ACVR2A: variants seen among roughly 807,000 people sequenced by gnomAD.
The protein encoded by ACVR2A is activin receptor type-2A.
In ACVR2A, 7 loss-of-function variants were observed where a neutral mutation model predicts 61.4. That is an observed-to-expected ratio of 0.11 (90% CI 0.06 to 0.21). ACVR2A has a LOEUF of 0.21. Among genes scored for constraint, ACVR2A ranks in the 10% least tolerant of loss-of-function variants. ACVR2A has a pLI of 1.00. For missense variants in ACVR2A, 322 were observed against 621.7 expected (o/e 0.52, Z 5.13); for synonymous variants, 193 against 208.3 (o/e 0.93, Z 0.63).
At chr2:147,878,833 C>T (rs1686222959) in intron 1 of ACVR2A, among the ~76,000 whole-genome samples, 2 of 151,994 alleles carry the variant, frequency 1.3e-5, no homozygotes, top group African/African-American at 2.4e-5. Flanking sequence ...CAATTGAGCC[C>T]AGCAGGTTAA....
chr2:147,903,023 T>C (rs906749228), intron 4 of ACVR2A: 4 of 151,972 alleles, frequency 2.6e-5, no homozygotes, highest in Non-Finnish European at 2.9e-5. Flanking sequence ...GACATTGTTC[T>C]CATTATTAGT....
intron 7 of ACVR2A, among the ~76,000 whole-genome samples, chr2:147,919,375 C>A (rs1240601973): frequency 6.6e-6 from 1 of 152,130 alleles, no homozygotes; most frequent in African/African-American, 2.4e-5. Context: ...TTGGCCTCGT[C>A]TTCGATTTTC....
At chr2:147,905,361 T>G (rs1187362952) in intron 4 of ACVR2A, among the ~76,000 whole-genome samples, 1 of 152,180 alleles carries the variant, frequency 6.6e-6, no homozygotes, top group Non-Finnish European at 1.5e-5. Context: ...TGTATGCTTA[T>G]GAAATAGCAA....
intron 1 of ACVR2A, among the ~76,000 whole-genome samples, chr2:147,870,823 TCTTC>T (rs1685994199): frequency 6.6e-6 from 1 of 152,108 alleles, no homozygotes; most frequent in South Asian, 2.1e-4. Flanking sequence ...CTGAGTACCC[TCTTC>T]CTTCTTTATA....
chr2:147,924,873 T>C (rs1306246404), intron 9 of ACVR2A, among the ~76,000 whole-genome samples: 1 of 151,904 alleles, frequency 6.6e-6, no homozygotes, highest in African/African-American at 2.4e-5. Context: ...TGCTGGCCTG[T>C]ACACCACATA....
rs570136857 is a variant in ACVR2A at position 147,891,248 on chromosome 2, TG to T, written c.56-5052del. ...TGCTCTAGGCAGTGTTCAATTTTTT[TG>T]TCAGTTTTGTTTAGTTTTTGGGGTG... On this transcript the variant is annotated intron_variant, in intron 1 of 10. Transcript: ENST00000241416. Among the ~76,000 whole-genome samples, 220 of 152,324 alleles carry T rather than the reference TG, an allele frequency of 1.4e-3. 3 individuals carry two copies. Among genetic ancestry groups the T allele is most frequent in the East Asian group, 7.6e-3 (39 of 5,164 alleles).
intron 1 of ACVR2A, among the ~76,000 whole-genome samples, chr2:147,878,561 A>T (rs768689872): frequency 6.6e-6 from 1 of 152,050 alleles, no homozygotes; most frequent in Non-Finnish European, 1.5e-5. Flanking sequence ...TGAGGGGAAG[A>T]CTGCCCTTGT....
At chr2:147,892,715 C>T (rs555844494) in intron 1 of ACVR2A, among the ~76,000 whole-genome samples, 7 of 151,428 alleles carry the variant, frequency 4.6e-5, no homozygotes, top group African/African-American at 7.3e-5. Flanking sequence ...TCTGTTTCTC[C>T]GTTCAGTTTT....
chr2:147,847,420 GACATGTTGGA>G (rs1000296371), intron 1 of ACVR2A, among the ~76,000 whole-genome samples: 1 of 152,120 alleles, frequency 6.6e-6, no homozygotes, highest in African/African-American at 2.4e-5. Context: ...TGTGTGATCT[GACATGTTGGA>G]AGCATGAGGT....
intron 4 of ACVR2A, among the ~76,000 whole-genome samples, chr2:147,906,736 C>G (rs1686995217): frequency 6.6e-6 from 1 of 151,442 alleles, no homozygotes; most frequent in Non-Finnish European, 1.5e-5. Context: ...AGTATTATAT[C>G]AGGCACTATA....
intron 9 of ACVR2A, among the ~76,000 whole-genome samples, chr2:147,924,745 T>G (rs544598874): frequency 1.3e-4 from 20 of 151,936 alleles, no homozygotes; most frequent in Non-Finnish European, 2.8e-4. Context: ...CAAACTTTAA[T>G]GTGTCATACC....
intron 1 of ACVR2A, among the ~76,000 whole-genome samples, chr2:147,881,801 C>G (rs1386184965): frequency 6.6e-6 from 1 of 151,912 alleles, no homozygotes; most frequent in East Asian, 1.9e-4. Context: ...AAGATGCTAA[C>G]TAACCTGCAT....
At chr2:147,907,188 G>A (rs1336970169) in intron 4 of ACVR2A, among the ~76,000 whole-genome samples, 4 of 152,082 alleles carry the variant, frequency 2.6e-5, no homozygotes, top group African/African-American at 7.2e-5. Flanking sequence ...TTTTATGGCT[G>A]CATAGTATTC....
At chr2:147,918,344 C>T (rs1161688613) in intron 6 of ACVR2A, 103 bp from the exon 7 acceptor site, 1 of 984,396 alleles carries the variant, frequency 1.0e-6, no homozygotes, top group South Asian at 2.5e-5. Context: ...TTATTTTTCC[C>T]TGAAAGGGAA....
At chr2:147,886,859 T>C (rs1686452711) in intron 1 of ACVR2A, among the ~76,000 whole-genome samples, 1 of 150,918 alleles carries the variant, frequency 6.6e-6, no homozygotes, top group South Asian at 2.1e-4. Flanking sequence ...AATGATAAAA[T>C]TGTTAGGTAT....
chr2:147,850,122 G>GT (rs1685408797), intron 1 of ACVR2A, among the ~76,000 whole-genome samples: 1 of 152,008 alleles, frequency 6.6e-6, no homozygotes, highest in Non-Finnish European at 1.5e-5. Flanking sequence ...GTAACTCATT[G>GT]TTTTTTCCAT....
At chr2:147,911,764 A>T (rs1687122523) in intron 4 of ACVR2A, among the ~76,000 whole-genome samples, 3 of 152,058 alleles carry the variant, frequency 2.0e-5, no homozygotes, top group African/African-American at 7.2e-5. Flanking sequence ...TTTTAGTTTT[A>T]AGAGACTGAG....
At chr2:147,904,927 A>G (rs1002841176) in intron 4 of ACVR2A, among the ~76,000 whole-genome samples, 1 of 152,068 alleles carries the variant, frequency 6.6e-6, no homozygotes, top group African/African-American at 2.4e-5. Context: ...TATTACATTC[A>G]TAGAAACATG....
intron 4 of ACVR2A, among the ~76,000 whole-genome samples, chr2:147,903,859 C>T (rs1218224596): frequency 6.6e-6 from 1 of 151,902 alleles, no homozygotes; most frequent in Non-Finnish European, 1.5e-5. Context: ...ACTGCTGTGT[C>T]TTACACAGTA....
Sources: allele counts gnomAD v4.1 joint callset (sites outside exome capture counted in the v4.1 genomes callset), GRCh38; gene constraint gnomAD v4.1.1; transcripts MANE v1.5; gene names NCBI Gene and HGNC (gene_info 2026-07-23, HGNC 2026-07-21).